The following NBEAL1 variants were observed in gnomAD, a reference collection of about 807,000 sequenced individuals.
NBEAL1 encodes the protein neurobeachin like 1, also known as neurobeachin-like protein 1.
Under a neutral mutation model 351.3 loss-of-function variants are expected in NBEAL1, and 273 were observed. The ratio of observed to expected loss-of-function variants is 0.78; its 90% CI spans 0.70 to 0.86. NBEAL1 has a LOEUF of 0.86. Ranked by LOEUF, NBEAL1 falls within the 40% of genes least tolerant of loss-of-function variation. The pLI, the probability that NBEAL1 is intolerant of heterozygous loss-of-function variation, is 0.00. For synonymous variants in NBEAL1, 1,050 were observed against 1,086.4 expected (o/e 0.97, Z 0.66); for missense variants, 2,961 against 3,201.3 (o/e 0.92, Z 1.81).
At chr2:203,163,317 A>AT (rs1165595896) in intron 36 of NBEAL1, among the ~76,000 whole-genome samples, 1 of 152,244 alleles carries the variant, frequency 6.6e-6, no homozygotes, top group East Asian at 1.9e-4. Flanking sequence ...TGCTTAACTC[A>AT]TATCATTAGT....
At chr2:203,200,850 GTTTT>G (rs761836759) in intron 49 of NBEAL1, among the ~76,000 whole-genome samples, 4 of 151,926 alleles carry the variant, frequency 2.6e-5, no homozygotes, top group Non-Finnish European at 4.4e-5. Flanking sequence ...TAAGGAAAAT[GTTTT>G]TTTTCCTTTC....
rs528589595 is a variant in NBEAL1 at position 203,099,763 on chromosome 2, G to A, written c.1269+51G>A. ...TTTTTTTTCTTAACTTTTATTTTAG[G>A]TTCAGGGGTACATGTGCAGGTTTGT... On this transcript the variant is annotated intron_variant, in intron 12 of 55. Coordinates refer to ENST00000683969, the MANE Select transcript of NBEAL1 (RefSeq NM_001378026.1). The A allele has an allele frequency of 7.8e-4, 962 of 1,229,654 alleles. 6 individuals are homozygous for A. In the African/African-American group the frequency reaches 0.012, roughly 15 times the overall value. The allele number at this position is 1,229,654 out of a possible 1,614,324, so 76.2% of individuals were successfully genotyped here.
At chr2:203,078,312 G>A (rs1478048427) in intron 8 of NBEAL1, among the ~76,000 whole-genome samples, 1 of 151,616 alleles carries the variant, frequency 6.6e-6, no homozygotes, top group Non-Finnish European at 1.5e-5. Flanking sequence ...ATTTTTTTAA[G>A]GTAAGCATCT....
chr2:203,205,589 C>T (rs895079184), intron 51 of NBEAL1, among the ~76,000 whole-genome samples: 2 of 152,062 alleles, frequency 1.3e-5, no homozygotes, highest in Admixed American at 6.6e-5. Flanking sequence ...TAGGTTTGCA[C>T]CATCCTTGAA....
intron 12 of NBEAL1, 27 bp from the exon 13 acceptor site, chr2:203,107,393 T>G: frequency 8.6e-7 from 1 of 1,162,124 alleles, no homozygotes. Flanking sequence ...AAAATGTACT[T>G]TGATATATTG....
chr2:203,124,592 A>C (rs1168374186), intron 19 of NBEAL1, among the ~76,000 whole-genome samples: 1 of 152,228 alleles, frequency 6.6e-6, no homozygotes, highest in Non-Finnish European at 1.5e-5. Context: ...TATACACAAT[A>C]AAATTTATTT....
intron 1 of NBEAL1, chr2:203,015,688 TC>T (rs1284343580): frequency 6.6e-6 from 1 of 152,420 alleles, no homozygotes; most frequent in Non-Finnish European, 1.5e-5. Flanking sequence ...GGTCTCGAAC[TC>T]CTGACCTCAG....
At chr2:203,192,884 G>A (rs2065131253) in intron 46 of NBEAL1, among the ~76,000 whole-genome samples, 1 of 150,946 alleles carries the variant, frequency 6.6e-6, no homozygotes, top group South Asian at 2.1e-4. Context: ...GAAAGTTGAG[G>A]AAGAACAAAA....
At position 203,115,968 on chromosome 2, in the gene NBEAL1, G is replaced by A. The variant is rs562996552; in HGVS notation, c.2507-17G>A. 1.5e-4 allele frequency: 227 copies of A among 1,512,728 alleles called. 3 individuals are homozygous for A. In the South Asian group the frequency reaches 2.6e-3, roughly 17 times the overall value. The allele number at this position is 1,512,728 out of a possible 1,614,324, so 93.7% of individuals were successfully genotyped here. On this transcript the variant is annotated splice_polypyrimidine_tract_variant and intron_variant, in intron 17 of 55. Transcript: ENST00000683969. ...TATATATTCAATGGTGTGTATGTGT[G>A]TGTAAATAATTTTCAGGTCCAAATT... is the stretch of plus-strand genomic sequence containing the variant.
chr2:203,129,861 A>G (rs1255891009), intron 24 of NBEAL1, among the ~76,000 whole-genome samples: 1 of 152,202 alleles, frequency 6.6e-6, no homozygotes. Flanking sequence ...GTGAAAGGAT[A>G]TACTAAAGGA....
In NBEAL1 at chr2:203,166,284, T is replaced by C; in HGVS notation, c.5850T>C (p.Ile1950=). ...TQHIYFYDGS[I]EKEDGVGFDF... ...ACATTTACTTCTATGATGGCAGCAT[T>C]GAAAAAGAAGATGGTGAGGAGTTCT... is the stretch of plus-strand genomic sequence containing the variant. Residue 1950 remains isoleucine, a synonymous_variant, in exon 37 of 56, where the codon ATT becomes ATC. Coordinates refer to ENST00000683969, the MANE Select transcript of NBEAL1 (RefSeq NM_001378026.1). 6.2e-7 allele frequency: 1 copy of C among 1,600,312 alleles called. No individual in the cohort carries two copies. The highest frequency in any genetic ancestry group is 1.1e-5 in the South Asian group (1 of 86,984).
rs997933490 is a variant in NBEAL1 at position 203,224,589 on chromosome 2, G to A, written c.*7235G>A. Among the ~76,000 whole-genome samples, 3 of 152,116 alleles carry A rather than the reference G, an allele frequency of 2.0e-5. No individual in the cohort carries two copies. Among genetic ancestry groups the A allele is most frequent in the African/African-American group, 4.8e-5 (2 of 41,446 alleles). On this transcript the variant is annotated 3_prime_UTR_variant, in exon 56 of 56. Transcript: ENST00000683969. ...TATATGCACATAGTCAATTCAGAGC[G>A]TAATAACTAAAAATTCAGAATGACT...
At chr2:203,033,958 C>CA (rs1442741135) in intron 2 of NBEAL1, among the ~76,000 whole-genome samples, 1 of 152,110 alleles carries the variant, frequency 6.6e-6, no homozygotes, top group East Asian at 1.9e-4. Context: ...TTTACCCCCC[C>CA]ACCCTTGACA....
At chr2:203,191,080 A>G (rs555554187) in intron 46 of NBEAL1, 3 of 1,596,978 alleles carry the variant, frequency 1.9e-6, no homozygotes, top group East Asian at 4.5e-5. Flanking sequence ...CATTAAACAC[A>G]GTGGGAATAT....
intron 42 of NBEAL1, among the ~76,000 whole-genome samples, chr2:203,178,678 C>T (rs570640388): frequency 2.0e-5 from 3 of 152,260 alleles, no homozygotes; most frequent in Admixed American, 1.3e-4. Flanking sequence ...TATTACATGA[C>T]TTACATGAAA....
intron 7 of NBEAL1, among the ~76,000 whole-genome samples, chr2:203,076,589 CTTTTTTT>C (rs369481909): frequency 9.2e-6 from 1 of 109,226 alleles, no homozygotes; most frequent in African/African-American, 3.6e-5. Flanking sequence ...GTACTATGTA[CTTTTTTT>C]TTTTTTTTTT....
chr2:203,138,462 G>A, intron 30 of NBEAL1, 147 bp downstream of exon 30: 1 of 1,005,762 alleles, frequency 9.9e-7, no homozygotes, highest in Non-Finnish European at 1.4e-6. Context: ...ACAGATTTTT[G>A]TTAGCTATTA....
intron 35 of NBEAL1, among the ~76,000 whole-genome samples, chr2:203,157,217 A>C (rs1230397064): frequency 6.6e-6 from 1 of 152,146 alleles, no homozygotes; most frequent in Non-Finnish European, 1.5e-5. Context: ...CCTCGGAATT[A>C]TGTATTAAGT....
chr2:203,032,047 G>A lies in NBEAL1; in HGVS notation c.52-9718G>A, dbSNP rs538581808. On this transcript the variant is annotated intron_variant, in intron 2 of 55. Coordinates refer to ENST00000683969, the MANE Select transcript of NBEAL1 (RefSeq NM_001378026.1). Reference sequence around the variant, plus strand: ...TTATTTTTTGATTGCTTACTCCGGGGGAATCCAGAAGTTCAGTAATGAGTA... The same window carrying A: ...TTATTTTTTGATTGCTTACTCCGGGAGAATCCAGAAGTTCAGTAATGAGTA... Among the ~76,000 whole-genome samples the A allele has an allele frequency of 3.9e-5, 6 of 152,306 alleles. No homozygotes were observed. In the South Asian group the frequency reaches 1.2e-3, roughly 32 times the overall value.
Sources: gnomAD v4.1 joint callset for allele counts (sites outside exome capture counted in the v4.1 genomes callset) on GRCh38, gnomAD v4.1.1 for gene constraint, MANE v1.5 for transcripts, NCBI Gene and HGNC (gene_info 2026-07-23, HGNC 2026-07-21) for gene names.